Variants in ZC2HC1B observed in about 807,000 individuals in gnomAD.
The protein encoded by ZC2HC1B is zinc finger C2HC-type containing 1B, also known as zinc finger C2HC domain-containing protein 1B.
A neutral mutation model predicts 31.0 loss-of-function variants in ZC2HC1B; 36 were observed. That is an observed-to-expected ratio of 1.16 (90% CI 0.89 to 1.54). The LOEUF is 1.54. Ranked by LOEUF, ZC2HC1B falls within the 40% of genes most tolerant of loss-of-function variation. The pLI is 0.00. For synonymous variants in ZC2HC1B, 73 were observed against 88.0 expected (o/e 0.83, Z 0.95); for missense variants, 260 against 268.6 (o/e 0.97, Z 0.22).
intron 6 of ZC2HC1B, among the ~76,000 whole-genome samples, chr6:143,929,402 G>C (rs561347532): frequency 6.6e-6 from 1 of 152,216 alleles, no homozygotes; most frequent in Non-Finnish European, 1.5e-5. Flanking sequence ...TGCATATGTT[G>C]TACCAACCTT....
Position 143,869,923 on chromosome 6 carries a change from C to T in ZC2HC1B, c.28+5356C>T, listed in dbSNP as rs1777316358. Among the ~76,000 whole-genome samples, 1 of 152,196 alleles carries T rather than the reference C, an allele frequency of 6.6e-6. No homozygotes were observed. The highest frequency in any genetic ancestry group is 2.4e-5 in the African/African-American group (1 of 41,458). Reference sequence around the variant, plus strand: ...GGGGAAAGAGGCTGAGTGGTGTCCACAGAACGGGTCATCCTATCCACTTGA... The same window carrying T: ...GGGGAAAGAGGCTGAGTGGTGTCCATAGAACGGGTCATCCTATCCACTTGA... On this transcript the variant is annotated intron_variant, in intron 1 of 7. Coordinates refer to ENST00000237275, the MANE Select transcript of ZC2HC1B (RefSeq NM_001013623.3). The surrounding 1 kb of genome is among the most constrained non-coding windows in gnomAD (Gnocchi z 5.2).
chr6:143,879,544 T>A (rs1777444255), intron 1 of ZC2HC1B, among the ~76,000 whole-genome samples: 1 of 152,212 alleles, frequency 6.6e-6, no homozygotes, highest in African/African-American at 2.4e-5. Flanking sequence ...GCTAAATATT[T>A]GCATGTTCTG....
At chr6:143,891,812 G>T (rs1325809062) in intron 4 of ZC2HC1B, among the ~76,000 whole-genome samples, 1 of 152,228 alleles carries the variant, frequency 6.6e-6, no homozygotes, top group African/African-American at 2.4e-5. Flanking sequence ...GCACAAAATT[G>T]GAGTATTTAC....
At chr6:143,873,495 CT>C (rs780402578) in intron 1 of ZC2HC1B, among the ~76,000 whole-genome samples, 1 of 152,264 alleles carries the variant, frequency 6.6e-6, no homozygotes, top group Non-Finnish European at 1.5e-5. Context: ...CCAGATTTCC[CT>C]TCCTCACTGC....
intron 4 of ZC2HC1B, among the ~76,000 whole-genome samples, chr6:143,894,640 G>A (rs1417762093): frequency 6.6e-6 from 1 of 152,144 alleles, no homozygotes; most frequent in African/African-American, 2.4e-5. Context: ...TTGAAATAAT[G>A]TGTTGTCTTA....
Position 143,923,283 on chromosome 6 carries a change from A to G in ZC2HC1B, c.599-14366A>G, listed in dbSNP as rs1778002201. The stretch of plus-strand genomic sequence containing the variant: ...TGCTGTTAAGTTGTTTGAATTCCTC[A>G]GGTATATGTGTTGTGTTAGATAAAA... On this transcript the variant is annotated intron_variant, in intron 6 of 7. Coordinates refer to ENST00000237275, the MANE Select transcript of ZC2HC1B (RefSeq NM_001013623.3). The surrounding 1 kb of genome is among the most constrained non-coding windows in gnomAD (Gnocchi z 4.8). Among the ~76,000 whole-genome samples, 1 of 151,854 alleles carries G rather than the reference A, an allele frequency of 6.6e-6. No homozygotes were observed. The highest frequency in any genetic ancestry group is 2.4e-5 in the African/African-American group (1 of 41,348).
rs537970689 is a variant in ZC2HC1B at position 143,871,450 on chromosome 6, G to A, written c.28+6883G>A. On this transcript the variant is annotated intron_variant, in intron 1 of 7. Coordinates refer to ENST00000237275, the MANE Select transcript of ZC2HC1B (RefSeq NM_001013623.3). This position sits in a 1 kb window ranked among gnomAD's most constrained non-coding sequence, Gnocchi z 4.1. The stretch of plus-strand genomic sequence containing the variant: ...GACAGGAATGGAGAAAAGGGCATTT[G>A]CCAAGTCAATGGCTGCATACCAGGT... Among the ~76,000 whole-genome samples, 9 of 152,358 alleles carry A rather than the reference G, an allele frequency of 5.9e-5. No individual in the cohort carries two copies. In the East Asian group the frequency reaches 1.7e-3, roughly 29 times the overall value.
rs1777460812 is a variant in ZC2HC1B at position 143,881,105 on chromosome 6, T to A, written c.29-3199T>A. ...TCCACCCCACTCCCACTCATCTTTA[T>A]CCTTTTACAGTCTCTAATCTGTGTC... On this transcript the variant is annotated intron_variant, in intron 1 of 7. Coordinates refer to ENST00000237275, the MANE Select transcript of ZC2HC1B (RefSeq NM_001013623.3). 3.9e-5 allele frequency among the ~76,000 whole-genome samples: 6 copies of A among 152,206 alleles called. No individual in the cohort carries two copies. In the South Asian group the frequency reaches 1.2e-3, roughly 32 times the overall value.
rs1044609971 is a variant in ZC2HC1B, at chr6:143,886,868, A to G, written c.349+47A>G. On this transcript the variant is annotated intron_variant, in intron 4 of 7. Coordinates refer to ENST00000237275, the MANE Select transcript of ZC2HC1B (RefSeq NM_001013623.3). The surrounding 1 kb of genome is among the most constrained non-coding windows in gnomAD (Gnocchi z 4.2). ...CTTTTGAGGCTATGCTTGACTTTTG[A>G]CCAAATCATCATGCCCTCTATGCAC... is the stretch of plus-strand genomic sequence containing the variant. 10 of 1,443,128 alleles carry G rather than the reference A, an allele frequency of 6.9e-6. No homozygotes were observed. Among genetic ancestry groups the G allele is most frequent in the African/African-American group, 1.5e-5 (1 of 68,136 alleles). The allele number at this position is 1,443,128 out of a possible 1,614,324, so 89.4% of individuals were successfully genotyped here. A position where few individuals can be genotyped will look rare whatever the true frequency, so the allele number is the denominator to read the frequency against.
chr6:143,937,526 C>T (rs1778192909), intron 6 of ZC2HC1B, 123 bp from the exon 7 acceptor site: 1 of 583,630 alleles, frequency 1.7e-6, no homozygotes, highest in Non-Finnish European at 2.5e-6. Context: ...ACTCCCCCAC[C>T]TCCCACCAAA....
chr6:143,930,557 T>C (rs1483683746), intron 6 of ZC2HC1B, among the ~76,000 whole-genome samples: 1 of 151,846 alleles, frequency 6.6e-6, no homozygotes, highest in Non-Finnish European at 1.5e-5. Flanking sequence ...CCGGCTAATT[T>C]TTTTTATATT....
chr6:143,931,844 T>C (rs6926548), intron 6 of ZC2HC1B, among the ~76,000 whole-genome samples: 75,820 of 148,986 alleles, frequency 0.51, 20,017 homozygotes, highest in African/African-American at 0.65. Flanking sequence ...AAGGTGTTCT[T>C]TGAACTTCTT....
rs570159872 is a variant in ZC2HC1B, at chr6:143,917,502, C to T, written c.598+14350C>T. On this transcript the variant is annotated intron_variant, in intron 6 of 7. Coordinates refer to ENST00000237275, the MANE Select transcript of ZC2HC1B (RefSeq NM_001013623.3). This position sits in a 1 kb window ranked among gnomAD's most constrained non-coding sequence, Gnocchi z 4.1. ...TATCACATTCTCATTTGAATTTATT[C>T]CAGCTTATCTTCATAACATACAATA... Among the ~76,000 whole-genome samples, 2 of 152,272 alleles carry T rather than the reference C, an allele frequency of 1.3e-5. No individual in the cohort carries two copies. The highest frequency in any genetic ancestry group is 6.5e-5 in the Admixed American group (1 of 15,288).
At chr6:143,900,294 C>T (rs1777720359) in intron 5 of ZC2HC1B, among the ~76,000 whole-genome samples, 1 of 150,202 alleles carries the variant, frequency 6.7e-6, no homozygotes, top group Non-Finnish European at 1.5e-5. Context: ...GAGGCTGAGG[C>T]AGGAGAATTG....
Position 143,886,873 on chromosome 6 carries a change from A to G in ZC2HC1B, c.349+52A>G. On this transcript the variant is annotated intron_variant, in intron 4 of 7. Coordinates refer to ENST00000237275, the MANE Select transcript of ZC2HC1B (RefSeq NM_001013623.3). The surrounding 1 kb of genome is among the most constrained non-coding windows in gnomAD (Gnocchi z 4.2). The stretch of plus-strand genomic sequence containing the variant: ...GAGGCTATGCTTGACTTTTGACCAA[A>G]TCATCATGCCCTCTATGCACTCTGA... 1 of 1,430,812 alleles carries G rather than the reference A, an allele frequency of 7.0e-7. No individual in the cohort carries two copies. The highest frequency in any genetic ancestry group is 1.5e-5 in the African/African-American group (1 of 67,874). 88.6% of individuals were successfully genotyped at this position (1,430,812 alleles called of 1,614,324 possible). A position where few individuals can be genotyped will look rare whatever the true frequency, so the allele number is the denominator to read the frequency against.
At chr6:143,935,955 T>G (rs1778173489) in intron 6 of ZC2HC1B, among the ~76,000 whole-genome samples, 1 of 152,150 alleles carries the variant, frequency 6.6e-6, no homozygotes, top group East Asian at 1.9e-4. Flanking sequence ...TGTCTTCTTT[T>G]TTAAGTAATA....
At chr6:143,920,358 A>G (rs1457603058) in intron 6 of ZC2HC1B, among the ~76,000 whole-genome samples, 1 of 152,216 alleles carries the variant, frequency 6.6e-6, no homozygotes, top group Non-Finnish European at 1.5e-5. Context: ...TGAAAATCAG[A>G]AAAGAATTTC....
intron 6 of ZC2HC1B, among the ~76,000 whole-genome samples, chr6:143,925,410 C>G (rs546886824): frequency 3.3e-5 from 5 of 151,738 alleles, no homozygotes; most frequent in East Asian, 3.9e-4. Context: ...CTCCTGACTT[C>G]GTGATCCGCC....
chr6:143,925,759 G>A lies in ZC2HC1B; in HGVS notation c.599-11890G>A, dbSNP rs1391235707. Among the ~76,000 whole-genome samples the A allele has an allele frequency of 4.0e-5, 6 of 151,602 alleles. No homozygotes were observed. The East Asian group carries it at 9.8e-4, about 25-fold the overall frequency. On this transcript the variant is annotated intron_variant, in intron 6 of 7. Transcript: ENST00000237275. ...TCTCCATGTTGGTCAGGCTGGTCTC[G>A]AACTCCTGACCTCAGGAAGCCCACC...
Sources: allele counts gnomAD v4.1 joint callset (sites outside exome capture counted in the v4.1 genomes callset), GRCh38; gene constraint gnomAD v4.1.1; non-coding constraint Gnocchi (gnomAD v3.1); transcripts MANE v1.5; gene names NCBI Gene and HGNC (gene_info 2026-07-23, HGNC 2026-07-21).